The following SCAF4 variants were observed in gnomAD, a reference collection of about 807,000 sequenced individuals.
SCAF4 encodes SR-related CTD associated factor 4, also known as SR-related and CTD-associated factor 4.
In SCAF4, 25 loss-of-function variants were observed where a neutral mutation model predicts 129.8. That is an observed-to-expected ratio of 0.19 (90% CI 0.14 to 0.27). The LOEUF is 0.27. SCAF4 is among the 10% of genes least tolerant of loss of function. SCAF4 has a pLI of 1.00. For synonymous variants in SCAF4, 551 were observed against 497.7 expected (o/e 1.11, Z -1.43); for missense variants, 1,246 against 1,457.1 (o/e 0.86, Z 2.36).
rs538551338 is a variant in SCAF4, at chr21:31,708,335, G to A, written c.31-1978C>T. ...ACAGAGGTTGCAGTAAGCCAAGATC[G>A]CGCCACTGCACGCCAGGCCAGGCGA... On this transcript the variant is annotated intron_variant, in intron 1 of 19. Transcript: ENST00000286835. 1.6e-4 allele frequency among the ~76,000 whole-genome samples: 24 copies of A among 150,646 alleles called. No individual in the cohort carries two copies. In the South Asian group the frequency reaches 4.4e-3, roughly 28 times the overall value.
chr21:31,695,546 T>C (rs1168613889), intron 9 of SCAF4, among the ~76,000 whole-genome samples: 2 of 152,224 alleles, frequency 1.3e-5, no homozygotes, highest in African/African-American at 2.4e-5. Flanking sequence ...TAAGTATTCT[T>C]TCTAAATTAT....
chr21:31,731,189 G>C (rs1394031399), intron 1 of SCAF4, among the ~76,000 whole-genome samples: 1 of 152,156 alleles, frequency 6.6e-6, no homozygotes. Flanking sequence ...TGAGCAACAG[G>C]AGAGCTGAAG....
chr21:31,710,486 T>C (rs1407729687), intron 1 of SCAF4, among the ~76,000 whole-genome samples: 3 of 152,162 alleles, frequency 2.0e-5, no homozygotes, highest in Non-Finnish European at 4.4e-5. Flanking sequence ...GAGGCGAAGG[T>C]TGCAGTGAGC....
chr21:31,716,766 T>C (rs951872690), intron 1 of SCAF4, among the ~76,000 whole-genome samples: 1 of 152,166 alleles, frequency 6.6e-6, no homozygotes, highest in African/African-American at 2.4e-5. Flanking sequence ...GCCTTCAATA[T>C]ATAATTTACT....
In SCAF4 at chr21:31,702,358, T is replaced by A. The variant is rs773098345; in HGVS notation, c.343A>T (p.Asn115Tyr). Reference protein sequence around the residue: ...EDKSKIVRVLNLWQKNGVFKI... With the variant: ...EDKSKIVRVLYLWQKNGVFKI... ...AACACTCCATTTTTTTGCCAAAGGT[T>A]CAGCACACGAACTATTTTACTCTGT... Residue 115 changes from asparagine to tyrosine, a missense_variant, in exon 5 of 20, where the codon AAC becomes TAC. By Grantham distance (143) the Asn-to-Tyr change is moderately radical. Around this residue, in one of 6 missense-constraint regions of SCAF4, gnomAD observed 143 missense variants for 161.0 expected, o/e 0.89. Coordinates refer to ENST00000286835, the MANE Select transcript of SCAF4 (RefSeq NM_020706.2). 1 of 1,614,032 alleles carries A rather than the reference T, an allele frequency of 6.2e-7. No homozygotes were observed. Among genetic ancestry groups the A allele is most frequent in the Non-Finnish European group, 8.5e-7 (1 of 1,179,938 alleles).
At chr21:31,698,828 T>G (rs1227406649) in intron 7 of SCAF4, among the ~76,000 whole-genome samples, 1 of 152,200 alleles carries the variant, frequency 6.6e-6, no homozygotes, top group African/African-American at 2.4e-5. Context: ...ATTTCCAGCC[T>G]GCTGACCTGC....
chr21:31,676,255 A>G (rs2049852897), intron 19 of SCAF4, among the ~76,000 whole-genome samples: 1 of 152,126 alleles, frequency 6.6e-6, no homozygotes, highest in African/African-American at 2.4e-5. Flanking sequence ...GATCACTAAT[A>G]AAGTCATTAC....
At chr21:31,701,691 G>A in intron 6 of SCAF4, 85 bp downstream of exon 6, 1 of 1,385,150 alleles carries the variant, frequency 7.2e-7, no homozygotes, top group Admixed American at 2.6e-5. Context: ...TCCTTTCAAT[G>A]TGCTTATTAA....
chr21:31,725,935 TA>T (rs1263675286), intron 1 of SCAF4, among the ~76,000 whole-genome samples: 9 of 152,210 alleles, frequency 5.9e-5, no homozygotes, highest in Non-Finnish European at 1.3e-4. Flanking sequence ...AGTTTATTGT[TA>T]TTTTTAGTAA....
intron 15 of SCAF4, 61 bp downstream of exon 15, chr21:31,690,736 T>C: frequency 6.8e-7 from 1 of 1,467,224 alleles, no homozygotes; most frequent in Admixed American, 2.0e-5. Context: ...GGACATTCGA[T>C]TTGTCATATG....
chr21:31,686,566 G>A lies in SCAF4; in HGVS notation c.2044-833C>T, dbSNP rs571463626. On this transcript the variant is annotated intron_variant, in intron 16 of 19. Coordinates refer to ENST00000286835, the MANE Select transcript of SCAF4 (RefSeq NM_020706.2). ...TAATACATACTAAGTGCTGGTGCCT[G>A]GCACTTAAATACCCAACAAACGTTA... Among the ~76,000 whole-genome samples the A allele has an allele frequency of 2.0e-5, 3 of 152,066 alleles. No individual in the cohort carries two copies. In the South Asian group the frequency reaches 6.3e-4, roughly 32 times the overall value.
chr21:31,689,940 G>A (rs1489997855), intron 15 of SCAF4, among the ~76,000 whole-genome samples: 3 of 151,534 alleles, frequency 2.0e-5, no homozygotes, highest in East Asian at 2.0e-4. Context: ...ATCTCAAAAC[G>A]AAACAAAAAC....
chr21:31,717,834 T>TAC, intron 1 of SCAF4, among the ~76,000 whole-genome samples: 1 of 93,256 alleles, frequency 1.1e-5, no homozygotes, highest in East Asian at 2.6e-4. Context: ...GCCATATATA[T>TAC]ATATATATAC....
Position 31,685,749 on chromosome 21 carries a change from AAAG to A in SCAF4, c.2044-19_2044-17del, listed in dbSNP as rs1192537837. 6.4e-7 allele frequency: 1 copy of A among 1,557,358 alleles called. No homozygotes were observed. Among genetic ancestry groups the A allele is most frequent in the East Asian group, 2.2e-5 (1 of 44,574 alleles). On this transcript the variant is annotated splice_polypyrimidine_tract_variant and intron_variant, in intron 16 of 19. Transcript: ENST00000286835. ...GTGGTGGGACCTAGAAAGAAAGATA[AAAG>A]AATAAACCACCTATCTAGACACCCT...
chr21:31,724,470 G>C lies in SCAF4; in HGVS notation c.30+7193C>G, dbSNP rs77944443. ...TTTCAGCTTATCATGAAAGTTGTAT[G>C]CTGTTGCTCTGAAGTGTGCTAAAAA... On this transcript the variant is annotated intron_variant, in intron 1 of 19. Transcript: ENST00000286835. Among the ~76,000 whole-genome samples the C allele has an allele frequency of 9.4e-3, 1,431 of 152,260 alleles. 27 individuals are homozygous for C. Among genetic ancestry groups the C allele is most frequent in the African/African-American group, 0.033 (1,357 of 41,542 alleles).
chr21:31,732,054 C>A lies in SCAF4; in HGVS notation c.-362G>T. ...TGGCCCGGCCGGCGAGCGGGCGGGC[C>A]TCTCTCTCCCTCTCTCCAGCGGGAT... On this transcript the variant is annotated 5_prime_UTR_variant, in exon 1 of 20. The change creates a new upstream start codon in the 5' untranslated region. Transcript: ENST00000286835. 1 of 424,692 alleles carries A rather than the reference C, an allele frequency of 2.4e-6. No individual in the cohort carries two copies. The highest frequency in any genetic ancestry group is 7.8e-5 in the South Asian group (1 of 12,866). 26.3% of individuals were successfully genotyped at this position (424,692 alleles called of 1,614,324 possible).
intron 16 of SCAF4, among the ~76,000 whole-genome samples, chr21:31,687,413 A>G (rs1041598093): frequency 2.0e-5 from 3 of 152,214 alleles, no homozygotes; most frequent in South Asian, 2.1e-4. Context: ...ACTGAAGCTT[A>G]TAAGTGAAGT....
intron 4 of SCAF4, among the ~76,000 whole-genome samples, chr21:31,703,332 A>G (rs1947092078): frequency 6.6e-6 from 1 of 151,884 alleles, no homozygotes; most frequent in African/African-American, 2.4e-5. Flanking sequence ...TTACTGTGAT[A>G]AGAACACTTA....
At chr21:31,677,092 A>AT (rs1052097197) in intron 19 of SCAF4, among the ~76,000 whole-genome samples, 2 of 152,006 alleles carry the variant, frequency 1.3e-5, no homozygotes, top group African/African-American at 2.4e-5. Context: ...TTGGCTTATC[A>AT]TTTTTTTAAA....
Sources: gnomAD v4.1 joint callset for allele counts (sites outside exome capture counted in the v4.1 genomes callset) on GRCh38, gnomAD v4.1.1 for gene constraint, gnomAD v4.1.1 regional missense constraint, MANE v1.5 for transcripts, NCBI Gene and HGNC (gene_info 2026-07-23, HGNC 2026-07-21) for gene names.